ANKS1B: variants seen among roughly 807,000 people sequenced by gnomAD.
ANKS1B encodes ankyrin repeat and sterile alpha motif domain-containing protein 1B.
In ANKS1B, 36 loss-of-function variants were observed where a neutral mutation model predicts 148.3. That is an observed-to-expected ratio of 0.24 (90% CI 0.19 to 0.32). The LOEUF is 0.32. Ranked by LOEUF, ANKS1B falls within the 10% of genes least tolerant of loss-of-function variation. ANKS1B has a pLI of 1.00. For synonymous variants in ANKS1B, 542 were observed against 560.8 expected (o/e 0.97, Z 0.47); for missense variants, 1,157 against 1,542.6 (o/e 0.75, Z 4.19).
chr12:99,228,775 C>T (rs1401123562), intron 14 of ANKS1B, among the ~76,000 whole-genome samples: 1 of 151,820 alleles, frequency 6.6e-6, no homozygotes, highest in African/African-American at 2.4e-5. Context: ...TTTTCTGAAA[C>T]CACTGAAACA....
At chr12:99,211,875 T>C (rs2083387910) in intron 14 of ANKS1B, among the ~76,000 whole-genome samples, 1 of 152,160 alleles carries the variant, frequency 6.6e-6, no homozygotes, top group African/African-American at 2.4e-5. Flanking sequence ...GACAGTTTCT[T>C]TCCTTCCAGG....
At chr12:99,743,570 G>C (rs1384095884) in intron 8 of ANKS1B, among the ~76,000 whole-genome samples, 8 of 152,236 alleles carry the variant, frequency 5.3e-5, no homozygotes, top group African/African-American at 1.9e-4. Context: ...GTACAAATAG[G>C]AATCTGTATG....
chr12:99,037,564 G>C (rs1191492118), intron 17 of ANKS1B, among the ~76,000 whole-genome samples: 1 of 151,958 alleles, frequency 6.6e-6, no homozygotes. Flanking sequence ...TTTATCAAAA[G>C]CATCTATGGC....
At chr12:99,053,390 T>G in intron 16 of ANKS1B, 81 bp from the exon 17 acceptor site, 1 of 1,118,038 alleles carries the variant, frequency 8.9e-7, no homozygotes, top group Non-Finnish European at 1.2e-6. Context: ...CCTTGAAAAT[T>G]TATTTGACAT....
rs141505959 is a variant in ANKS1B at position 99,954,976 on chromosome 12, G to A, written c.134+29128C>T. On this transcript the variant is annotated intron_variant, in intron 1 of 26. Coordinates refer to ENST00000683438, the MANE Select transcript of ANKS1B (RefSeq NM_001352186.2). ...CTGCTCCTGATCTCCTACATTCCCA[G>A]GCCCTTTGTCTGCCTTGACCATTGA... is the stretch of plus-strand genomic sequence containing the variant. Among the ~76,000 whole-genome samples, 261 of 152,244 alleles carry A rather than the reference G, an allele frequency of 1.7e-3. 1 individual carries two copies. Among genetic ancestry groups the A allele is most frequent in the African/African-American group, 5.7e-3 (238 of 41,552 alleles).
At chr12:98,838,642 T>G (rs7962634) in intron 17 of ANKS1B, among the ~76,000 whole-genome samples, 41,989 of 152,052 alleles carry the variant, frequency 0.28, 6,042 homozygotes, top group Admixed American at 0.32. Flanking sequence ...TCATCCTGCA[T>G]TTGGAACTCC....
chr12:99,064,662 A>T (rs1261564139), intron 16 of ANKS1B, among the ~76,000 whole-genome samples: 1 of 152,238 alleles, frequency 6.6e-6, no homozygotes, highest in Non-Finnish European at 1.5e-5. Flanking sequence ...TTTTAGCTTC[A>T]TCTGTGCCCA....
chr12:99,415,644 G>C (rs898257121), intron 11 of ANKS1B, among the ~76,000 whole-genome samples: 2 of 152,138 alleles, frequency 1.3e-5, no homozygotes, highest in African/African-American at 4.8e-5. Flanking sequence ...ATCGTAAAAA[G>C]GACAAGAAAC....
chr12:99,027,321 A>G (rs1419560585), intron 17 of ANKS1B, among the ~76,000 whole-genome samples: 3 of 152,200 alleles, frequency 2.0e-5, no homozygotes, highest in Non-Finnish European at 4.4e-5. Context: ...TTAAGCACAC[A>G]GTAAAAAACA....
At chr12:98,840,907 A>T (rs2099402361) in intron 17 of ANKS1B, among the ~76,000 whole-genome samples, 1 of 152,136 alleles carries the variant, frequency 6.6e-6, no homozygotes, top group Non-Finnish European at 1.5e-5. Context: ...TGAAGGAAAA[A>T]TTTGTTACAA....
chr12:99,299,078 A>G (rs1293012706), intron 12 of ANKS1B, among the ~76,000 whole-genome samples: 1 of 148,094 alleles, frequency 6.8e-6, no homozygotes, highest in African/African-American at 2.5e-5. Flanking sequence ...TTTTTTTGAG[A>G]TAGATAGGGT....
At chr12:99,619,716 T>TG (rs1308763430) in intron 9 of ANKS1B, among the ~76,000 whole-genome samples, 1 of 152,110 alleles carries the variant, frequency 6.6e-6, no homozygotes, top group African/African-American at 2.4e-5. Flanking sequence ...GAACCTATTC[T>TG]CCTAGATTAG....
intron 9 of ANKS1B, among the ~76,000 whole-genome samples, chr12:99,552,002 G>T (rs866195470): frequency 6.6e-6 from 1 of 152,064 alleles, no homozygotes; most frequent in Non-Finnish European, 1.5e-5. Context: ...TTCCTAGCAT[G>T]TGCCAAGCTT....
intron 9 of ANKS1B, among the ~76,000 whole-genome samples, chr12:99,597,252 G>GAGAC (rs1418447472): frequency 3.8e-5 from 1 of 26,050 alleles, no homozygotes; most frequent in Non-Finnish European, 6.3e-5. Flanking sequence ...ATGTCTGAGG[G>GAGAC]AGAGAGAGAG....
intron 12 of ANKS1B, among the ~76,000 whole-genome samples, chr12:99,271,662 C>CTATATATATATATATAGATA (rs2077052773): frequency 1.1e-5 from 1 of 94,222 alleles, no homozygotes; most frequent in Non-Finnish European, 2.1e-5. Context: ...AGTCAATAAA[C>CTATATATATATATATAGATA]TATATATATA....
At chr12:99,896,719 C>T (rs2153752298) in intron 1 of ANKS1B, among the ~76,000 whole-genome samples, 1 of 151,308 alleles carries the variant, frequency 6.6e-6, no homozygotes, top group Admixed American at 6.6e-5. Flanking sequence ...TGTGGTCTAG[C>T]CTAGAACTTA....
At chr12:99,284,554 C>T (rs2078872470) in intron 12 of ANKS1B, among the ~76,000 whole-genome samples, 2 of 152,216 alleles carry the variant, frequency 1.3e-5, no homozygotes, top group Non-Finnish European at 1.5e-5. Flanking sequence ...ATCCTTCCCT[C>T]CATTTCTACT....
intron 1 of ANKS1B, among the ~76,000 whole-genome samples, chr12:99,853,277 C>G (rs1213486668): frequency 1.3e-5 from 2 of 152,108 alleles, no homozygotes; most frequent in African/African-American, 4.8e-5. Flanking sequence ...GGAGGGCAAC[C>G]AACACAAAAC....
At chr12:98,906,996 ATAGT>A (rs1380567158) in intron 17 of ANKS1B, among the ~76,000 whole-genome samples, 4 of 138,484 alleles carry the variant, frequency 2.9e-5, no homozygotes, top group African/African-American at 1.1e-4. Context: ...ATCCCCTCAC[ATAGT>A]TACTCTGTGT....
Sources: gnomAD v4.1 joint callset for allele counts (sites outside exome capture counted in the v4.1 genomes callset) on GRCh38, gnomAD v4.1.1 for gene constraint, MANE v1.5 for transcripts, NCBI Gene and HGNC (gene_info 2026-07-23, HGNC 2026-07-21) for gene names.